Variants in CNTNAP2 observed in about 807,000 individuals in gnomAD.
CNTNAP2 encodes the protein contactin associated protein 2.
Under a neutral mutation model 155.2 loss-of-function variants are expected in CNTNAP2, and 98 were observed. That is an observed-to-expected ratio of 0.63 (90% confidence interval 0.54 to 0.75). The LOEUF is 0.75. Ranked by LOEUF, CNTNAP2 falls within the 30% of genes least tolerant of loss-of-function variation. The pLI is 0.00. For synonymous variants in CNTNAP2, 651 were observed against 631.2 expected, an observed-to-expected ratio of 1.03 and a Z score of -0.47; for missense variants, 1,727 against 1,688.1, an observed-to-expected ratio of 1.02 and a Z score of -0.40.
At chr7:147,156,179 G>T (rs751385212) in intron 8 of CNTNAP2, among the ~76,000 whole-genome samples, 1 of 152,116 alleles carries the variant, frequency 6.6e-6, no homozygotes, top group Non-Finnish European at 1.5e-5. Flanking sequence ...AAATATAAGA[G>T]AAGTGATGAA....
chr7:147,124,568 A>C (rs1347918958), intron 6 of CNTNAP2, among the ~76,000 whole-genome samples: 2 of 152,208 alleles, frequency 1.3e-5, no homozygotes, highest in Non-Finnish European at 2.9e-5. Flanking sequence ...TCCATCATAT[A>C]GTTGCAATAA....
chr7:148,322,213 G>A (rs1430576163), intron 21 of CNTNAP2, among the ~76,000 whole-genome samples: 6 of 152,098 alleles, frequency 3.9e-5, no homozygotes, highest in Admixed American at 6.5e-5. Context: ...GTGAGCCACC[G>A]CACCCAGCCA....
At position 147,594,455 on chromosome 7, in the gene CNTNAP2, A is replaced by G. The variant is rs188681953; in HGVS notation, c.1897+32198A>G. Among the ~76,000 whole-genome samples the G allele has an allele frequency of 7.7e-3, 1,169 of 152,266 alleles. 9 individuals carry two copies. The highest frequency in any genetic ancestry group is 0.012 in the Non-Finnish European group (845 of 68,010). On this transcript the variant is annotated intron_variant, in intron 12 of 23. Transcript: ENST00000361727. ...ACAGTGAGCAAGTTTTTATTTATCA[A>G]AAAGGTAGCCTTTGATGAGGGGCTT...
chr7:147,281,046 C>T lies in CNTNAP2; in HGVS notation c.1349-19095C>T, dbSNP rs1034735096. Among the ~76,000 whole-genome samples, 14 of 151,948 alleles carry T rather than the reference C, an allele frequency of 9.2e-5. 1 individual carries two copies. The highest frequency in any genetic ancestry group is 8.3e-4 in the South Asian group (4 of 4,822). ...CAAGTCTCTTAAATTTTTTGAATCTCGATTTAATCATCTGTTCATTTTCAA... is the reference window on the plus strand; with the variant it reads ...CAAGTCTCTTAAATTTTTTGAATCTTGATTTAATCATCTGTTCATTTTCAA... On this transcript the variant is annotated intron_variant, in intron 8 of 23. Transcript: ENST00000361727.
chr7:147,499,822 A>C (rs1049977540), intron 11 of CNTNAP2, among the ~76,000 whole-genome samples: 17 of 152,172 alleles, frequency 1.1e-4, no homozygotes, highest in African/African-American at 3.9e-4. Context: ...AACAGAGACA[A>C]GTTACCTCTG....
intron 1 of CNTNAP2, among the ~76,000 whole-genome samples, chr7:146,616,790 CT>C (rs1341050834): frequency 5.9e-5 from 9 of 152,160 alleles, no homozygotes; most frequent in African/African-American, 2.2e-4. Flanking sequence ...TGTAGCATTC[CT>C]TTTCTGTATC....
At chr7:148,158,216 T>C (rs1294177144) in intron 17 of CNTNAP2, among the ~76,000 whole-genome samples, 1 of 137,444 alleles carries the variant, frequency 7.3e-6, no homozygotes, top group African/African-American at 3.1e-5. Flanking sequence ...AGGTACAATG[T>C]TTGCGCTTTT....
rs545493971 is a variant in CNTNAP2 at position 146,157,405 on chromosome 7, C to T, written c.97+40432C>T. On this transcript the variant is annotated intron_variant, in intron 1 of 23. Transcript: ENST00000361727. ...CTTCATCTCACTGGGGCTTGTCAGA[C>T]GGTAGGTGCAGCCCACAGAGCAGGG... Among the ~76,000 whole-genome samples, 77 of 152,196 alleles carry T rather than the reference C, an allele frequency of 5.1e-4. 1 individual carries two copies. Among genetic ancestry groups the T allele is most frequent in the Middle Eastern group, 3.4e-3 (1 of 294 alleles).
chr7:147,238,976 T>C (rs758574785), intron 8 of CNTNAP2, among the ~76,000 whole-genome samples: 22 of 152,322 alleles, frequency 1.4e-4, no homozygotes, highest in Non-Finnish European at 2.8e-4. Context: ...AACTAAACTA[T>C]ACTAAATTGG....
chr7:147,865,505 C>G (rs771271883), intron 13 of CNTNAP2, among the ~76,000 whole-genome samples: 11 of 152,162 alleles, frequency 7.2e-5, no homozygotes, highest in Admixed American at 2.0e-4. Context: ...AGGAATGATA[C>G]CAGCTCCTCT....
chr7:146,862,362 G>C (rs1226774190), intron 3 of CNTNAP2, among the ~76,000 whole-genome samples: 1 of 151,834 alleles, frequency 6.6e-6, no homozygotes, highest in Non-Finnish European at 1.5e-5. Context: ...GTGTAGTTTT[G>C]GCAACTTTTG....
chr7:147,914,200 T>G (rs1426015434), intron 14 of CNTNAP2, among the ~76,000 whole-genome samples: 2 of 151,878 alleles, frequency 1.3e-5, no homozygotes, highest in African/African-American at 2.4e-5. Context: ...AAAAGCAAGT[T>G]GACAAATAGC....
chr7:148,221,657 A>G (rs575334932), intron 19 of CNTNAP2, among the ~76,000 whole-genome samples: 1 of 152,216 alleles, frequency 6.6e-6, no homozygotes, highest in Non-Finnish European at 1.5e-5. Flanking sequence ...GGAAAAAGCT[A>G]CTAGAAAGTC....
intron 1 of CNTNAP2, among the ~76,000 whole-genome samples, chr7:146,487,796 C>T (rs1199446877): frequency 2.0e-5 from 3 of 152,038 alleles, no homozygotes; most frequent in African/African-American, 4.8e-5. Context: ...CGCAGTGAGA[C>T]GGAAATAAGG....
At chr7:148,000,608 C>A (rs558251117) in intron 15 of CNTNAP2, among the ~76,000 whole-genome samples, 7 of 152,318 alleles carry the variant, frequency 4.6e-5, no homozygotes, top group East Asian at 1.9e-4. Context: ...AAAGCCCATA[C>A]TTTCAGCCTT....
intron 12 of CNTNAP2, among the ~76,000 whole-genome samples, chr7:147,632,924 G>A (rs1056319270): frequency 9.8e-5 from 15 of 152,320 alleles, no homozygotes; most frequent in Admixed American, 7.8e-4. Context: ...AAAGAGACTG[G>A]TGGCATTTTG....
At chr7:147,102,982 C>A (rs1468727794) in intron 4 of CNTNAP2, among the ~76,000 whole-genome samples, 1 of 152,134 alleles carries the variant, frequency 6.6e-6, no homozygotes, top group Non-Finnish European at 1.5e-5. Flanking sequence ...ATTGAAACCT[C>A]AAGTATATTT....
chr7:146,395,826 G>GATAGATAGAGGA (rs1563068432), intron 1 of CNTNAP2, among the ~76,000 whole-genome samples: 35 of 116,846 alleles, frequency 3.0e-4, no homozygotes, highest in East Asian at 1.4e-3. Context: ...GATAGATAGA[G>GATAGATAGAGGA]GAGAGAGAGA....
At chr7:147,311,966 T>G (rs1269641948) in intron 9 of CNTNAP2, among the ~76,000 whole-genome samples, 2 of 152,144 alleles carry the variant, frequency 1.3e-5, no homozygotes, top group Non-Finnish European at 1.5e-5. Flanking sequence ...AATTTAATTA[T>G]TAAATTTATT....
Sources: allele counts gnomAD v4.1 joint callset (sites outside exome capture counted in the v4.1 genomes callset), GRCh38; gene constraint gnomAD v4.1.1; transcripts MANE v1.5; gene names NCBI Gene and HGNC (gene_info 2026-07-23, HGNC 2026-07-21).